Variants in VPS13B observed in about 807,000 individuals in gnomAD.
VPS13B encodes the protein vacuolar protein sorting 13 homolog B.
In VPS13B, 285 loss-of-function variants were observed where a neutral mutation model predicts 426.4. The ratio of observed to expected loss-of-function variants is 0.67; its 90% confidence interval spans 0.61 to 0.74. The LOEUF is 0.74. Among genes scored for constraint, VPS13B ranks in the 30% least tolerant of loss-of-function variants. The pLI, the probability that VPS13B is intolerant of heterozygous loss-of-function variation, is 0.00. For missense variants in VPS13B, 4,537 were observed against 4,782.6 expected, an observed-to-expected ratio of 0.95 and a Z score of 1.51; for synonymous variants, 1,676 against 1,676.4, an observed-to-expected ratio of 1.00 and a Z score of 0.01.
chr8:99,688,681 C>T (rs1194209662), intron 35 of VPS13B, among the ~76,000 whole-genome samples: 1 of 152,056 alleles, frequency 6.6e-6, no homozygotes, highest in African/African-American at 2.4e-5. Context: ...CATCATTAAA[C>T]ATTGTGGGGC....
chr8:99,568,810 T>C (rs553922478), intron 31 of VPS13B, among the ~76,000 whole-genome samples: 3 of 150,852 alleles, frequency 2.0e-5, no homozygotes, highest in Admixed American at 2.0e-4. Context: ...TTTTTTTTTG[T>C]TTTTTTGTTT....
intron 21 of VPS13B, among the ~76,000 whole-genome samples, chr8:99,395,793 A>G (rs183946947): frequency 4.6e-5 from 7 of 152,310 alleles, no homozygotes; most frequent in African/African-American, 1.4e-4. Flanking sequence ...AATGACACCA[A>G]TGATAGAATT....
chr8:99,478,490 G>T (rs1278258762), intron 24 of VPS13B, among the ~76,000 whole-genome samples: 2 of 116,468 alleles, frequency 1.7e-5, no homozygotes, highest in African/African-American at 6.7e-5. Flanking sequence ...TTTTTTTGCC[G>T]AGGCAGGTGT....
intron 24 of VPS13B, among the ~76,000 whole-genome samples, chr8:99,470,399 G>A (rs2133520819): frequency 6.6e-6 from 1 of 151,968 alleles, no homozygotes; most frequent in Non-Finnish European, 1.5e-5. Flanking sequence ...GAGGTGCAAA[G>A]GAAAGCATAC....
chr8:99,368,066 A>G (rs752991787), intron 19 of VPS13B, among the ~76,000 whole-genome samples: 9 of 152,256 alleles, frequency 5.9e-5, no homozygotes, highest in Non-Finnish European at 1.0e-4. Context: ...ACCAAGGGAA[A>G]TAAAACCTCA....
chr8:99,587,555 GCATTTCTTTGATGA>G (rs1461813740), intron 33 of VPS13B, among the ~76,000 whole-genome samples: 1 of 151,652 alleles, frequency 6.6e-6, no homozygotes, highest in Non-Finnish European at 1.5e-5. Context: ...GTTTTGATTT[GCATTTCTTTGATGA>G]CCAGTGATGA....
At chr8:99,309,713 A>G (rs902031887) in intron 19 of VPS13B, among the ~76,000 whole-genome samples, 7 of 152,122 alleles carry the variant, frequency 4.6e-5, no homozygotes, top group African/African-American at 1.2e-4. Context: ...TTCCAATTCT[A>G]TGGAGAAAGT....
At chr8:99,168,624 G>T (rs776072150) in intron 15 of VPS13B, among the ~76,000 whole-genome samples, 6 of 151,910 alleles carry the variant, frequency 3.9e-5, no homozygotes, top group Admixed American at 3.9e-4. Context: ...AGAAACCAAC[G>T]CAGTACTTTG....
intron 34 of VPS13B, among the ~76,000 whole-genome samples, chr8:99,649,328 A>C (rs1453723384): frequency 6.6e-6 from 1 of 151,984 alleles, no homozygotes; most frequent in East Asian, 1.9e-4. Flanking sequence ...TTTCTGCACC[A>C]ATCTCTTTCT....
At chr8:99,503,764 C>T (rs1821355596) in intron 27 of VPS13B, among the ~76,000 whole-genome samples, 2 of 152,152 alleles carry the variant, frequency 1.3e-5, no homozygotes, top group Non-Finnish European at 2.9e-5. Flanking sequence ...TTGTTTTCAC[C>T]ACATCTACCA....
intron 13 of VPS13B, among the ~76,000 whole-genome samples, chr8:99,147,221 C>T (rs928000662): frequency 3.9e-5 from 6 of 152,116 alleles, no homozygotes; most frequent in African/African-American, 1.4e-4. Context: ...AAGAGATTCT[C>T]CTGCTTCAGC....
intron 33 of VPS13B, among the ~76,000 whole-genome samples, chr8:99,619,372 G>GGT (rs1828253707): frequency 6.6e-6 from 1 of 152,138 alleles, no homozygotes; most frequent in African/African-American, 2.4e-5. Context: ...AGGGGAAAGT[G>GGT]GAATGTATGG....
intron 34 of VPS13B, among the ~76,000 whole-genome samples, chr8:99,652,058 G>A (rs1175547738): frequency 9.9e-5 from 15 of 152,128 alleles, no homozygotes; most frequent in Non-Finnish European, 1.3e-4. Context: ...GTAGGTCATA[G>A]CACACTTCTG....
intron 33 of VPS13B, among the ~76,000 whole-genome samples, chr8:99,625,864 C>CA (rs759769591): frequency 6.6e-5 from 10 of 151,680 alleles, no homozygotes; most frequent in African/African-American, 1.7e-4. Context: ...ACAACAACAA[C>CA]AACAAAAAAA....
chr8:99,567,285 T>C (rs1029308123), intron 31 of VPS13B, among the ~76,000 whole-genome samples: 5 of 152,178 alleles, frequency 3.3e-5, no homozygotes, highest in Non-Finnish European at 7.4e-5. Context: ...GTTATAGATA[T>C]AAACAACTGG....
Position 99,818,423 on chromosome 8 carries a change from A to G in VPS13B, c.8362-28A>G, listed in dbSNP as rs1458978516. 2.5e-6 allele frequency: 4 copies of G among 1,603,166 alleles called. No individual in the cohort carries two copies. In the South Asian group the frequency reaches 3.3e-5, roughly 13 times the overall value. ...TAATTAGTAAACTGCTTAGTATTCA[A>G]TAGGACCCTTTGCTATTTCATGTGC... On this transcript the variant is annotated intron_variant, in intron 45 of 61. Transcript: ENST00000357162.
chr8:99,819,481 G>C lies in VPS13B; in HGVS notation c.8691G>C (p.Lys2897Asn). The change falls in exon 48 of 62, where the codon AAG (lysine) becomes AAC (asparagine). Residue 2897 changes from lysine to asparagine, a missense_variant. Physicochemically the swap from Lys to Asn is moderately conservative, Grantham distance 94. Transcript: ENST00000357162. Reference protein sequence around the residue: ...STSLIKQIATKVHPGGTVNQI... With the variant: ...STSLIKQIATNVHPGGTVNQI... ...CCCTCATTAAGCAAATAGCCACTAA[G>C]GTACACCCTGGAGGCACAGTTAATC... The C allele has an allele frequency of 1.2e-6, 2 of 1,613,824 alleles. No individual in the cohort carries two copies. The highest frequency in any genetic ancestry group is 1.7e-6 in the Non-Finnish European group (2 of 1,179,852).
intron 19 of VPS13B, among the ~76,000 whole-genome samples, chr8:99,352,605 CT>C (rs1811952842): frequency 6.6e-6 from 1 of 152,240 alleles, no homozygotes; most frequent in East Asian, 1.9e-4. Context: ...GGGCAGATCG[CT>C]TGAGGTCAGG....
At chr8:99,469,189 A>G (rs1433355735) in intron 24 of VPS13B, among the ~76,000 whole-genome samples, 3 of 103,418 alleles carry the variant, frequency 2.9e-5, no homozygotes, top group Non-Finnish European at 5.7e-5. Context: ...TTTTTTTTTG[A>G]CACAGGGTCT....
Sources: allele counts gnomAD v4.1 joint callset (sites outside exome capture counted in the v4.1 genomes callset), GRCh38; gene constraint gnomAD v4.1.1; transcripts MANE v1.5; gene names NCBI Gene and HGNC (gene_info 2026-07-23, HGNC 2026-07-21).